The following GLDC variants were observed in gnomAD, a reference collection of about 807,000 sequenced individuals.
The protein encoded by GLDC is glycine dehydrogenase (decarboxylating), mitochondrial.
In GLDC, 104 loss-of-function variants were observed where a neutral mutation model predicts 121.3. The ratio of observed to expected loss-of-function variants is 0.86; its 90% CI spans 0.73 to 1.01. GLDC has a LOEUF of 1.01. Among genes scored for constraint, GLDC ranks in the 50% least tolerant of loss-of-function variants. The pLI, the probability that GLDC is intolerant of heterozygous loss-of-function variation, is 0.00. For missense variants in GLDC, 1,429 were observed against 1,306.6 expected, an observed-to-expected ratio of 1.09 and a Z score of -1.44; for synonymous variants, 546 against 480.6, an observed-to-expected ratio of 1.14 and a Z score of -1.78.
Position 6,589,229 on chromosome 9 carries a change from T to C in GLDC, c.1546A>G (p.Thr516Ala), listed in dbSNP as rs1007990230. 6.2e-7 allele frequency: 1 copy of C among 1,609,662 alleles called. No homozygotes were observed. Among genetic ancestry groups the C allele is most frequent in the Admixed American group, 1.7e-5 (1 of 59,978 alleles). Residue 516 changes from threonine (T) to alanine (A), a missense_variant, in exon 12 of 25, where the codon ACC becomes GCC. Physicochemically the swap from Thr to Ala is moderately conservative, Grantham distance 58. Coordinates refer to ENST00000321612, the MANE Select transcript of GLDC (RefSeq NM_000170.3). ...RGIPGSVFKR[T>A]SPFLTHQVFN... The stretch of plus-strand genomic sequence containing the variant: ...ACTTGATGGGTGAGGAACGGGCTGG[T>C]CCTCTTGAACACAGACCCTGGAATA...
chr9:6,588,608 A>T lies in GLDC; in HGVS notation c.1665+10T>A. On this transcript the variant is annotated intron_variant, in intron 13 of 24. Coordinates refer to ENST00000321612, the MANE Select transcript of GLDC (RefSeq NM_000170.3). Reference sequence around the variant, plus strand: ...GCTTGGAAATGAGAAAAAAGGCCACAAATAACTACCAGTGGAATCATGCTG... The same window carrying T: ...GCTTGGAAATGAGAAAAAAGGCCACTAATAACTACCAGTGGAATCATGCTG... The T allele has an allele frequency of 6.3e-7, 1 of 1,598,406 alleles. No homozygotes were observed.
In GLDC at chr9:6,610,366, A is replaced by T. The variant is rs369391624; in HGVS notation, c.471-10T>A. The T allele has an allele frequency of 1.5e-5, 24 of 1,613,776 alleles. No homozygotes were observed. The highest frequency in any genetic ancestry group is 1.6e-4 in the Middle Eastern group (1 of 6,080). On this transcript the variant is annotated splice_polypyrimidine_tract_variant and intron_variant, in intron 3 of 24. Transcript: ENST00000321612. The stretch of plus-strand genomic sequence containing the variant: ...AGTATACTGGGTGATCCTGCAAGGG[A>T]AACAAAAGGTCTTGTCCAAACTGAC...
At chr9:6,619,071 G>T (rs1282717056) in intron 3 of GLDC, among the ~76,000 whole-genome samples, 1 of 147,324 alleles carries the variant, frequency 6.8e-6, no homozygotes, top group East Asian at 2.0e-4. Flanking sequence ...TGAACTCGAA[G>T]GGCAGAGGTT....
intron 4 of GLDC, among the ~76,000 whole-genome samples, 196 bp downstream of exon 4, chr9:6,609,996 T>A (rs1162995887): frequency 6.6e-6 from 1 of 152,118 alleles, no homozygotes; most frequent in Non-Finnish European, 1.5e-5. Flanking sequence ...AAAATCCGGG[T>A]GGAGACACCA....
intron 15 of GLDC, among the ~76,000 whole-genome samples, chr9:6,573,931 G>C (rs529959619): frequency 6.6e-5 from 10 of 152,162 alleles, no homozygotes; most frequent in Non-Finnish European, 1.5e-5. Context: ...ATTTTAACCA[G>C]TGAAACTCCA....
At chr9:6,546,449 C>T (rs1817391085) in intron 21 of GLDC, among the ~76,000 whole-genome samples, 1 of 150,882 alleles carries the variant, frequency 6.6e-6, no homozygotes, top group African/African-American at 2.4e-5. Flanking sequence ...ACCCTCCCGG[C>T]TTGGCCTCCC....
At chr9:6,622,859 A>T (rs557155412) in intron 2 of GLDC, 6,635 of 198,848 alleles carry the variant, frequency 0.033, 480 homozygotes, top group African/African-American at 0.16. Flanking sequence ...CCGGCCGCCC[A>T]TCGTCTGAGA....
At chr9:6,575,991 G>C (rs1382245064) in intron 15 of GLDC, among the ~76,000 whole-genome samples, 2 of 152,198 alleles carry the variant, frequency 1.3e-5, no homozygotes, top group African/African-American at 2.4e-5. Context: ...AAATAAATAG[G>C]AGAAAATAGG....
chr9:6,627,516 C>T (rs1365253290), intron 2 of GLDC, among the ~76,000 whole-genome samples: 3 of 152,068 alleles, frequency 2.0e-5, no homozygotes, highest in Admixed American at 1.3e-4. Context: ...GATTGGTTCT[C>T]ATGATAGCTT....
intron 2 of GLDC, among the ~76,000 whole-genome samples, chr9:6,624,815 CTG>C (rs1434331080): frequency 6.6e-6 from 1 of 151,990 alleles, no homozygotes; most frequent in Non-Finnish European, 1.5e-5. Context: ...TGGTGAAACC[CTG>C]TCTCTACTAA....
intron 18 of GLDC, among the ~76,000 whole-genome samples, chr9:6,555,185 G>C (rs1291135040): frequency 2.0e-5 from 3 of 152,308 alleles, no homozygotes; most frequent in South Asian, 2.1e-4. Context: ...GTCGGCTTTA[G>C]TATGATGCAC....
At position 6,578,319 on chromosome 9, in the gene GLDC, G is replaced by T. The variant is rs566544428; in HGVS notation, c.1850+8822C>A. 2.0e-5 allele frequency among the ~76,000 whole-genome samples: 3 copies of T among 151,944 alleles called. No individual in the cohort carries two copies. The South Asian group carries it at 6.3e-4, about 32-fold the overall frequency. ...ATTTGTACAAAGAGGGTCCCACTATGTTGCCGAGGCTGGTCTTGAACTCCT... is the reference window on the plus strand; with the variant it reads ...ATTTGTACAAAGAGGGTCCCACTATTTTGCCGAGGCTGGTCTTGAACTCCT... On this transcript the variant is annotated intron_variant, in intron 15 of 24. Transcript: ENST00000321612.
At position 6,553,436 on chromosome 9, in the gene GLDC, C is replaced by T; in HGVS notation, c.2389G>A (p.Val797Met). 6.2e-7 allele frequency: 1 copy of T among 1,613,888 alleles called. No homozygotes were observed. The highest frequency in any genetic ancestry group is 8.5e-7 in the Non-Finnish European group (1 of 1,179,758). Residue 797 changes from valine to methionine, a missense_variant, in exon 20 of 25, where the codon GTG becomes ATG. Val to Met is a conservative substitution (Grantham distance 21). Transcript: ENST00000321612. ...SLKRNEDACP[V>M]GTVSAAPWGS... ...CATGGGGCCGCACTGACGGTTCCCA[C>T]AGGACAGGCATCCTCATTCCGCTTT...
intron 8 of GLDC, among the ~76,000 whole-genome samples, chr9:6,597,446 C>A (rs1023598703): frequency 6.6e-6 from 1 of 152,132 alleles, no homozygotes; most frequent in African/African-American, 2.4e-5. Flanking sequence ...GAAAAGCCAA[C>A]AAGGCTGGAT....
At chr9:6,620,573 T>C (rs538864780) in intron 2 of GLDC, among the ~76,000 whole-genome samples, 18 of 152,260 alleles carry the variant, frequency 1.2e-4, no homozygotes, top group African/African-American at 4.3e-4. Flanking sequence ...TTCGGTTCTG[T>C]TTGCTAGAAC....
chr9:6,591,088 GCT>G (rs1818366445), intron 11 of GLDC, among the ~76,000 whole-genome samples: 1 of 152,128 alleles, frequency 6.6e-6, no homozygotes, highest in Admixed American at 6.5e-5. Context: ...GCTACTGTCG[GCT>G]CTCTTTCACT....
chr9:6,557,608 A>G (rs1194608077), intron 17 of GLDC: 1 of 151,462 alleles, frequency 6.6e-6, no homozygotes, highest in Non-Finnish European at 1.5e-5. Flanking sequence ...CAAACAAACA[A>G]AAAGATAAAG....
At chr9:6,602,509 C>T (rs776750824) in intron 7 of GLDC, among the ~76,000 whole-genome samples, 1 of 151,790 alleles carries the variant, frequency 6.6e-6, no homozygotes, top group Non-Finnish European at 1.5e-5. Flanking sequence ...CCTGACACCA[C>T]GCCCAGCTAA....
At chr9:6,613,989 C>T (rs1818915501) in intron 3 of GLDC, among the ~76,000 whole-genome samples, 1 of 152,094 alleles carries the variant, frequency 6.6e-6, no homozygotes, top group Non-Finnish European at 1.5e-5. Context: ...GTTGGCCAGG[C>T]TGGTCTCGAA....
Sources: gnomAD v4.1 joint callset for allele counts (sites outside exome capture counted in the v4.1 genomes callset) on GRCh38, gnomAD v4.1.1 for gene constraint, MANE v1.5 for transcripts, NCBI Gene and HGNC (gene_info 2026-07-23, HGNC 2026-07-21) for gene names.